The following B3GALT1 variants were observed in gnomAD, a reference collection of about 807,000 sequenced individuals.
B3GALT1 encodes the protein UDP-Gal:betaGlcNAc beta 1,3-galactosyltransferase, polypeptide 1.
B3GALT1 carries 10 observed loss-of-function variants against 23.2 expected under a neutral mutation model. That is an observed-to-expected ratio of 0.43 (90% confidence interval 0.27 to 0.73). The LOEUF is 0.73. Among genes scored for constraint, B3GALT1 ranks in the 30% least tolerant of loss-of-function variants. B3GALT1 has a pLI of 0.21. For synonymous variants in B3GALT1, 156 were observed against 141.5 expected (o/e 1.10, Z -0.73); for missense variants, 299 against 405.4 (o/e 0.74, Z 2.25).
intron 3 of B3GALT1, among the ~76,000 whole-genome samples, chr2:167,704,917 C>T (rs1686945533): frequency 6.6e-6 from 1 of 151,842 alleles, no homozygotes; most frequent in South Asian, 2.1e-4. Flanking sequence ...TTTATCATCA[C>T]TATGATAAAA....
intron 1 of B3GALT1, among the ~76,000 whole-genome samples, chr2:167,472,876 C>T (rs1272918568): frequency 6.6e-6 from 1 of 152,064 alleles, no homozygotes; most frequent in Non-Finnish European, 1.5e-5. Context: ...TTCTTTATGA[C>T]AAATTATCAT....
At chr2:167,513,129 G>C (rs979720392) in intron 2 of B3GALT1, among the ~76,000 whole-genome samples, 1 of 137,634 alleles carries the variant, frequency 7.3e-6, no homozygotes, top group African/African-American at 2.7e-5. Context: ...ACTACTTACA[G>C]AAAATTTGGG....
In B3GALT1 at chr2:167,714,385, G is replaced by T. The variant is rs548647526; in HGVS notation, c.-352+67419G>T. The stretch of plus-strand genomic sequence containing the variant: ...TCTGATGGTCCAGAGGATTCCCTGG[G>T]CTGCTTGGGCTTCCTCCTCCCCCTG... On this transcript the variant is annotated intron_variant, in intron 3 of 4. Coordinates refer to ENST00000392690, the MANE Select transcript of B3GALT1 (RefSeq NM_020981.4). 124 of 1,516,400 alleles carry T rather than the reference G, an allele frequency of 8.2e-5. 1 individual carries two copies. In the East Asian group the frequency reaches 1.1e-3, roughly 13 times the overall value. The allele number at this position is 1,516,400 out of a possible 1,614,324, so 93.9% of individuals were successfully genotyped here.
chr2:167,770,737 G>T (rs563368029), intron 3 of B3GALT1, among the ~76,000 whole-genome samples: 9 of 152,170 alleles, frequency 5.9e-5, no homozygotes, highest in African/African-American at 1.2e-4. Flanking sequence ...CCTCTAAAAG[G>T]TTTATAGTTT....
chr2:167,593,761 G>A (rs960150806), intron 2 of B3GALT1, among the ~76,000 whole-genome samples: 2 of 152,232 alleles, frequency 1.3e-5, no homozygotes, highest in African/African-American at 4.8e-5. Context: ...GGGCGGTGCA[G>A]TTCCACAACA....
chr2:167,419,165 A>G (rs1345943690), intron 1 of B3GALT1, among the ~76,000 whole-genome samples: 1 of 152,238 alleles, frequency 6.6e-6, no homozygotes, highest in African/African-American at 2.4e-5. Context: ...AAGAAAATCC[A>G]TAGTCTTATC....
intron 4 of B3GALT1, among the ~76,000 whole-genome samples, chr2:167,865,007 C>A (rs918159156): frequency 1.3e-5 from 2 of 151,986 alleles, no homozygotes; most frequent in Non-Finnish European, 2.9e-5. Context: ...TCATGTTCTC[C>A]TCTGTTTCTG....
intron 1 of B3GALT1, among the ~76,000 whole-genome samples, chr2:167,389,256 A>T (rs1212683381): frequency 3.9e-5 from 6 of 152,212 alleles, no homozygotes; most frequent in Non-Finnish European, 8.8e-5. Flanking sequence ...TCAGTATCAT[A>T]GTTCTTAAAT....
chr2:167,496,986 A>C (rs939810411), intron 2 of B3GALT1, among the ~76,000 whole-genome samples: 9 of 152,170 alleles, frequency 5.9e-5, no homozygotes, highest in African/African-American at 1.7e-4. Flanking sequence ...GCACACCAAC[A>C]TGGCACATGT....
chr2:167,485,025 T>C (rs937560310), intron 1 of B3GALT1, among the ~76,000 whole-genome samples: 1 of 152,106 alleles, frequency 6.6e-6, no homozygotes, highest in Admixed American at 6.6e-5. Context: ...TGCTGGTCAG[T>C]TGTGCCTGAA....
chr2:167,497,029 A>C (rs999873485), intron 2 of B3GALT1, among the ~76,000 whole-genome samples: 2 of 151,968 alleles, frequency 1.3e-5, no homozygotes, highest in African/African-American at 4.8e-5. Context: ...CGTTGTGCAC[A>C]TGTACCCTAA....
chr2:167,873,519 T>C lies in B3GALT1; in HGVS notation c.*3499T>C, dbSNP rs1690389792. On this transcript the variant is annotated 3_prime_UTR_variant, in exon 5 of 5. Transcript: ENST00000392690. ...GACAATGGAATATTTACCTAAAGCA[T>C]CTGGGATTCATTTTTTACCTTTCCT... 6.6e-6 allele frequency: 1 copy of C among 152,218 alleles called. No homozygotes were observed. Among genetic ancestry groups the C allele is most frequent in the East Asian group, 1.9e-4 (1 of 5,202 alleles). The allele number at this position is 152,218 out of a possible 1,614,324, so 9.4% of individuals were successfully genotyped here. A position where few individuals can be genotyped will look rare whatever the true frequency, so the allele number is the denominator to read the frequency against.
intron 4 of B3GALT1, among the ~76,000 whole-genome samples, chr2:167,829,268 G>C (rs924724882): frequency 2.6e-5 from 4 of 152,130 alleles, no homozygotes; most frequent in African/African-American, 9.7e-5. Context: ...TGGATCATGA[G>C]GTCAGGAGTT....
At chr2:167,749,918 A>T (rs910804551) in intron 3 of B3GALT1, among the ~76,000 whole-genome samples, 4 of 152,242 alleles carry the variant, frequency 2.6e-5, no homozygotes, top group African/African-American at 9.6e-5. Context: ...TGCATTTGAT[A>T]AAAGCAATGT....
intron 3 of B3GALT1, among the ~76,000 whole-genome samples, chr2:167,649,139 A>G (rs1480016779): frequency 6.6e-6 from 1 of 152,134 alleles, no homozygotes; most frequent in Admixed American, 6.6e-5. Context: ...TTATCCACAG[A>G]TAATCCCTTA....
chr2:167,316,301 C>T (rs1488241300), intron 1 of B3GALT1, among the ~76,000 whole-genome samples: 1 of 152,006 alleles, frequency 6.6e-6, no homozygotes, highest in Admixed American at 6.5e-5. Context: ...CTCACAAAAA[C>T]CTTTACTATA....
At chr2:167,539,608 C>T (rs1333506866) in intron 2 of B3GALT1, among the ~76,000 whole-genome samples, 1 of 152,052 alleles carries the variant, frequency 6.6e-6, no homozygotes, top group Admixed American at 6.6e-5. Context: ...AATTGTAGGT[C>T]ACATAAACAT....
At chr2:167,765,485 A>G (rs1014576325) in intron 3 of B3GALT1, among the ~76,000 whole-genome samples, 1 of 152,206 alleles carries the variant, frequency 6.6e-6, no homozygotes, top group Admixed American at 6.5e-5. Flanking sequence ...CTAGTGGGAA[A>G]ATAGAAATAG....
intron 1 of B3GALT1, among the ~76,000 whole-genome samples, chr2:167,384,977 C>T (rs1697905301): frequency 6.6e-6 from 1 of 152,010 alleles, no homozygotes. Context: ...CTCCTCCCAC[C>T]ACCACCACAG....
Sources: allele counts gnomAD v4.1 joint callset (sites outside exome capture counted in the v4.1 genomes callset), GRCh38; gene constraint gnomAD v4.1.1; transcripts MANE v1.5; gene names NCBI Gene and HGNC (gene_info 2026-07-23, HGNC 2026-07-21).